CFAP54: variants seen among roughly 807,000 people sequenced by gnomAD.
CFAP54 encodes cilia- and flagella-associated protein 54.
CFAP54 carries 290 observed loss-of-function variants against 370.4 expected under a neutral mutation model. That is an observed-to-expected ratio of 0.78 (90% CI 0.71 to 0.86). The LOEUF is 0.86. CFAP54 is among the 40% of genes least tolerant of loss of function. CFAP54 has a pLI of 0.00. For synonymous variants in CFAP54, 1,206 were observed against 1,236.5 expected (o/e 0.98, Z 0.52); for missense variants, 3,399 against 3,528.7 (o/e 0.96, Z 0.93).
At chr12:96,568,728 A>G (rs1592855297) in intron 19 of CFAP54, among the ~76,000 whole-genome samples, 1 of 152,206 alleles carries the variant, frequency 6.6e-6, no homozygotes, top group South Asian at 2.1e-4. Context: ...TCTCTTTAGA[A>G]CTCTTAAATA....
chr12:96,552,468 C>T (rs1955705945), intron 15 of CFAP54, among the ~76,000 whole-genome samples: 1 of 151,848 alleles, frequency 6.6e-6, no homozygotes, highest in Admixed American at 6.6e-5. Context: ...CTCAGTCTCC[C>T]AAGTATGTGG....
intron 24 of CFAP54, 32 bp from the exon 25 acceptor site, chr12:96,594,259 C>A: frequency 2.0e-6 from 3 of 1,475,088 alleles, no homozygotes; most frequent in Non-Finnish European, 2.7e-6. Context: ...CACCTATGTT[C>A]AATCTGAGTA....
chr12:96,660,762 G>C (rs1156487782), intron 38 of CFAP54, among the ~76,000 whole-genome samples: 1 of 152,058 alleles, frequency 6.6e-6, no homozygotes, highest in Non-Finnish European at 1.5e-5. Context: ...CAGAGGTTGG[G>C]GGCTCTGTTC....
In CFAP54 at chr12:96,786,768, T is replaced by C; in HGVS notation, c.8549T>C (p.Val2850Ala). 1 of 1,535,960 alleles carries C rather than the reference T, an allele frequency of 6.5e-7. No individual in the cohort carries two copies. Among genetic ancestry groups the C allele is most frequent in the South Asian group, 1.2e-5 (1 of 84,056 alleles). Reference sequence around the variant, plus strand: ...GAGTTGATTTTGCGCCAGAAAGAAGTGCATTTTTTCCTTAAAAAATTCTTA... The same window carrying C: ...GAGTTGATTTTGCGCCAGAAAGAAGCGCATTTTTTCCTTAAAAAATTCTTA... ...NSELILRQKE[V>A]HFFLKKFLQL... Residue 2850 changes from valine to alanine, a missense_variant, in exon 62 of 68, where the codon GTG becomes GCG. Transcript: ENST00000524981.
intron 59 of CFAP54, among the ~76,000 whole-genome samples, chr12:96,764,651 T>C (rs930342176): frequency 2.0e-5 from 3 of 152,120 alleles, no homozygotes; most frequent in African/African-American, 7.2e-5. Context: ...AATTACATTA[T>C]TTGGGATTTG....
intron 22 of CFAP54, 145 bp from the exon 23 acceptor site, chr12:96,589,282 C>A: frequency 2.9e-6 from 2 of 679,874 alleles, no homozygotes; most frequent in Non-Finnish European, 4.8e-6. Context: ...TAGAACAGAA[C>A]AGCAAATGTG....
intron 26 of CFAP54, among the ~76,000 whole-genome samples, chr12:96,610,836 G>C (rs908243827): frequency 5.9e-5 from 9 of 152,216 alleles, no homozygotes; most frequent in Admixed American, 6.5e-5. Context: ...AGCAAGGCTG[G>C]GGGAGGGGCA....
rs1416762091 is a variant in CFAP54 at position 96,594,423 on chromosome 12, A to G, written c.3493A>G (p.Ile1165Val). 1.3e-6 allele frequency: 2 copies of G among 1,533,484 alleles called. No homozygotes were observed. The highest frequency in any genetic ancestry group is 2.0e-5 in the Admixed American group (1 of 50,990). 95.0% of individuals were successfully genotyped at this position (1,533,484 alleles called of 1,614,324 possible). ...TCTTGCTCCCATAATTTATCACAAT[A>G]TTGTTTTGGTACCTGTTGTACAGGT... Reference protein sequence around the residue: ...GLLAPIIYHNIVLVPVVQILI... With the variant: ...GLLAPIIYHNVVLVPVVQILI... Residue 1165 changes from isoleucine to valine, a missense_variant, in exon 25 of 68, where the codon ATT becomes GTT. By Grantham distance (29) the Ile-to-Val change is conservative (BLOSUM62 3). This residue lies in a region of CFAP54 where 2,796 missense variants were observed against 2,869.7 expected (regional missense o/e 0.97). Transcript: ENST00000524981.
chr12:96,775,322 G>A (rs927442111), intron 60 of CFAP54, among the ~76,000 whole-genome samples: 7 of 151,912 alleles, frequency 4.6e-5, no homozygotes, highest in East Asian at 3.9e-4. Flanking sequence ...CCAGCTACTC[G>A]GGAGGCTGAG....
chr12:96,547,992 T>C lies in CFAP54; in HGVS notation c.2154+14T>C. 1 of 1,241,052 alleles carries C rather than the reference T, an allele frequency of 8.1e-7. No homozygotes were observed. 76.9% of individuals were successfully genotyped at this position (1,241,052 alleles called of 1,614,324 possible). ...CCAATATTACAGGTATTACTACATA[T>C]TTAGAAAATTTAGGTGAAACATGCA... On this transcript the variant is annotated intron_variant, in intron 15 of 67. Coordinates refer to ENST00000524981, the MANE Select transcript of CFAP54 (RefSeq NM_001306084.2).
At chr12:96,685,310 A>G (rs1335073280) in intron 42 of CFAP54, 72 bp downstream of exon 42, 9 of 1,359,668 alleles carry the variant, frequency 6.6e-6, no homozygotes, top group Non-Finnish European at 9.4e-6. Flanking sequence ...TGTGCCATAC[A>G]AAGTGCTATG....
chr12:96,567,064 G>T (rs370928600), intron 19 of CFAP54, among the ~76,000 whole-genome samples: 1 of 152,148 alleles, frequency 6.6e-6, no homozygotes, highest in Non-Finnish European at 1.5e-5. Context: ...GAGAAATCAC[G>T]TGAAGTTGAG....
intron 5 of CFAP54, among the ~76,000 whole-genome samples, chr12:96,518,456 G>A (rs992619412): frequency 1.2e-4 from 18 of 152,220 alleles, no homozygotes; most frequent in African/African-American, 4.3e-4. Context: ...GGAGGCCGAG[G>A]CGGGTGGATC....
chr12:96,570,583 T>C (rs1167942362), intron 19 of CFAP54, among the ~76,000 whole-genome samples: 1 of 152,226 alleles, frequency 6.6e-6, no homozygotes, highest in African/African-American at 2.4e-5. Flanking sequence ...GTTCTGGTTC[T>C]ACCAGTGATT....
At chr12:96,830,962 C>T (rs932650225) in intron 66 of CFAP54, among the ~76,000 whole-genome samples, 12 of 151,168 alleles carry the variant, frequency 7.9e-5, no homozygotes, top group African/African-American at 2.2e-4. Flanking sequence ...AGGTGTGAAC[C>T]GCTGAGCCCA....
chr12:96,515,713 G>T (rs1473070946), intron 5 of CFAP54, among the ~76,000 whole-genome samples: 2 of 152,066 alleles, frequency 1.3e-5, no homozygotes, highest in Non-Finnish European at 2.9e-5. Context: ...AGGCATGATG[G>T]CTAGCTTTTG....
intron 66 of CFAP54, among the ~76,000 whole-genome samples, chr12:96,850,736 C>T (rs1959518405): frequency 6.6e-6 from 1 of 151,078 alleles, no homozygotes; most frequent in African/African-American, 2.4e-5. Flanking sequence ...TGGCAGGAAA[C>T]TTACAATCAT....
At chr12:96,526,879 T>G in intron 8 of CFAP54, among the ~76,000 whole-genome samples, 1 of 142,366 alleles carries the variant, frequency 7.0e-6, no homozygotes, top group African/African-American at 2.6e-5. Context: ...CTTTGCCTTA[T>G]AACAGGTTTT....
At chr12:96,866,882 A>G (rs1960018958) in intron 67 of CFAP54, among the ~76,000 whole-genome samples, 1 of 152,210 alleles carries the variant, frequency 6.6e-6, no homozygotes, top group Admixed American at 6.5e-5. Flanking sequence ...AATGTTCAGA[A>G]AAGTATTGAG....
Sources: allele counts gnomAD v4.1 joint callset (sites outside exome capture counted in the v4.1 genomes callset), GRCh38; gene constraint gnomAD v4.1.1; regional missense constraint gnomAD v4.1.1; transcripts MANE v1.5; gene names NCBI Gene and HGNC (gene_info 2026-07-23, HGNC 2026-07-21).